GPR146: variants seen among roughly 807,000 people sequenced by gnomAD.
GPR146 encodes G-protein coupled receptor 146.
For synonymous variants in GPR146, 203 were observed against 104.3 expected, an observed-to-expected ratio of 1.95 and a Z score of -5.77; for missense variants, 381 against 213.9, an observed-to-expected ratio of 1.78 and a Z score of -4.87.
rs993610714 is a variant in GPR146 at position 1,044,584 on chromosome 7, C to T, written c.-99C>T. On this transcript the variant is annotated 5_prime_UTR_variant, in exon 1 of 2. Coordinates refer to ENST00000444847, the MANE Select transcript of GPR146 (RefSeq NM_001303473.2). ...CACAGGGCCCGGGCGGCGTGCGCGCCGTGAGCCCCGCCGCCTCCGCCAGCC... is the reference window on the plus strand; with the variant it reads ...CACAGGGCCCGGGCGGCGTGCGCGCTGTGAGCCCCGCCGCCTCCGCCAGCC... The T allele has an allele frequency of 3.3e-5, 5 of 150,752 alleles. No individual in the cohort carries two copies. The highest frequency in any genetic ancestry group is 4.4e-5 in the Non-Finnish European group (3 of 67,540). The allele number at this position is 150,752 out of a possible 1,614,324, so 9.3% of individuals were successfully genotyped here. A position where few individuals can be genotyped will look rare whatever the true frequency, so the allele number is the denominator to read the frequency against.
intron 1 of GPR146, among the ~76,000 whole-genome samples, chr7:1,053,758 C>T (rs1379192872): frequency 2.6e-5 from 4 of 152,120 alleles, no homozygotes; most frequent in Non-Finnish European, 5.9e-5. Context: ...ACCCGGGAGG[C>T]GGAGGTTGCA....
chr7:1,045,295 A>G (rs189976002), intron 1 of GPR146: 1 of 152,396 alleles, frequency 6.6e-6, no homozygotes, highest in East Asian at 1.9e-4. Context: ...CATGCATGCT[A>G]CGTGGTGGAC....
rs2293522 is a variant in GPR146, at chr7:1,058,736, G to A, written c.*219G>A. On this transcript the variant is annotated 3_prime_UTR_variant, in exon 2 of 2. Transcript: ENST00000444847. ...GCTTGAGTCTCCCCGAGGCCTGTGC[G>A]TCTCCCAAACACGCAGCTCAAGGTC... 0.064 allele frequency: 37,030 copies of A among 576,682 alleles called. 1,396 individuals carry two copies. Among genetic ancestry groups the A allele is most frequent in the Middle Eastern group, 0.12 (263 of 2,156 alleles). The allele number at this position is 576,682 out of a possible 1,614,324, so 35.7% of individuals were successfully genotyped here.
intron 1 of GPR146, among the ~76,000 whole-genome samples, chr7:1,053,769 G>C (rs111621609): frequency 0.025 from 3,870 of 152,330 alleles, 159 homozygotes; most frequent in African/African-American, 0.086. Flanking sequence ...GGAGGTTGCA[G>C]TGAGCTGAGA....
At position 1,052,596 on chromosome 7, in the gene GPR146, G is replaced by A. The variant is rs967266340; in HGVS notation, c.-24-4896G>A. On this transcript the variant is annotated intron_variant, in intron 1 of 1. Transcript: ENST00000444847. The surrounding 1 kb of genome is among the most constrained non-coding windows in gnomAD (Gnocchi z 4.2). The stretch of plus-strand genomic sequence containing the variant: ...GGCCTGGGAGGGTGGCCAGGAACTG[G>A]GGGAGAAGCTGGTGGTCAAGCTGGT... Among the ~76,000 whole-genome samples the A allele has an allele frequency of 2.0e-5, 3 of 152,136 alleles. No homozygotes were observed. Among genetic ancestry groups the A allele is most frequent in the African/African-American group, 4.8e-5 (2 of 41,422 alleles).
At chr7:1,051,183 G>C (rs1783078555) in intron 1 of GPR146, among the ~76,000 whole-genome samples, 1 of 152,188 alleles carries the variant, frequency 6.6e-6, no homozygotes, top group Non-Finnish European at 1.5e-5. Flanking sequence ...GTCACTCAGA[G>C]AAGCTGCTGC....
intron 1 of GPR146, among the ~76,000 whole-genome samples, chr7:1,050,132 G>A (rs193181885): frequency 1.3e-5 from 2 of 152,338 alleles, no homozygotes; most frequent in South Asian, 4.1e-4. Flanking sequence ...ACAGGCCTAC[G>A]GGCTCAGGGC....
intron 1 of GPR146, among the ~76,000 whole-genome samples, chr7:1,050,757 A>G (rs980589776): frequency 4.6e-5 from 7 of 152,176 alleles, no homozygotes; most frequent in Non-Finnish European, 8.8e-5. Context: ...AGGAGTGAGC[A>G]CCGCTCAGTA....
At chr7:1,056,457 T>G (rs965221777) in intron 1 of GPR146, 1 of 152,514 alleles carries the variant, frequency 6.6e-6, no homozygotes, top group Non-Finnish European at 1.5e-5. Context: ...TGGATGGGAA[T>G]TCCCACATCT....
chr7:1,053,212 G>C (rs140283159), intron 1 of GPR146, among the ~76,000 whole-genome samples: 2,310 of 152,344 alleles, frequency 0.015, 25 homozygotes, highest in Middle Eastern at 0.044. Flanking sequence ...GGCTCCACCC[G>C]CCTGGGCCAG....
chr7:1,051,144 C>CGT (rs1783074995), intron 1 of GPR146, among the ~76,000 whole-genome samples: 1 of 152,218 alleles, frequency 6.6e-6, no homozygotes, highest in African/African-American at 2.4e-5. Context: ...CTACAAGCAG[C>CGT]GTGTGGGCAG....
intron 1 of GPR146, among the ~76,000 whole-genome samples, chr7:1,053,580 C>A (rs1364738109): frequency 6.6e-6 from 1 of 152,236 alleles, no homozygotes; most frequent in African/African-American, 2.4e-5. Context: ...GTAATCCCAG[C>A]ACTTTGGGAG....
intron 1 of GPR146, among the ~76,000 whole-genome samples, chr7:1,046,137 G>C (rs1033343311): frequency 6.6e-6 from 1 of 152,200 alleles, no homozygotes; most frequent in Non-Finnish European, 1.5e-5. Flanking sequence ...AAATATGCTC[G>C]TGTAATTTAC....
rs773114195 is a variant in GPR146 at position 1,057,957 on chromosome 7, T to A, written c.442T>A (p.Cys148Ser). The change falls in exon 2 of 2, where the codon TGC becomes AGC. Residue 148 changes from cysteine to serine, a missense_variant. Coordinates refer to ENST00000444847, the MANE Select transcript of GPR146 (RefSeq NM_001303473.2). ...CAGCGTGTACAACACGCGGCACGTG[T>A]GCGGCTTCGTGTGGGGTGGCGCGCT... Reference protein sequence around the residue: ...MASVYNTRHVCGFVWGGALLT... With the variant: ...MASVYNTRHVSGFVWGGALLT... The A allele has an allele frequency of 6.5e-6, 5 of 772,116 alleles. No individual in the cohort carries two copies. Among genetic ancestry groups the A allele is most frequent in the Non-Finnish European group, 1.2e-5 (5 of 417,978 alleles). The allele number at this position is 772,116 out of a possible 1,614,324, so 47.8% of individuals were successfully genotyped here.
chr7:1,057,455 G>T, intron 1 of GPR146, 37 bp from the exon 2 acceptor site: 1 of 682,216 alleles, frequency 1.5e-6, no homozygotes, highest in East Asian at 2.5e-5. Flanking sequence ...GCTTTGGGAC[G>T]GGACGCGAGC....
chr7:1,047,479 C>T (rs1246887967), intron 1 of GPR146, among the ~76,000 whole-genome samples: 1 of 152,258 alleles, frequency 6.6e-6, no homozygotes, highest in Non-Finnish European at 1.5e-5. Context: ...CGTAAGCTCT[C>T]CACGTGGAAA....
At chr7:1,055,454 G>A in intron 1 of GPR146, 1 of 462,886 alleles carries the variant, frequency 2.2e-6, no homozygotes, top group South Asian at 1.6e-5. Context: ...AGGGCCCACA[G>A]CACCAAGAGG....
intron 1 of GPR146, among the ~76,000 whole-genome samples, chr7:1,057,210 G>A (rs78143408): frequency 0.11 from 17,440 of 152,136 alleles, 1,229 homozygotes; most frequent in Middle Eastern, 0.26. Context: ...GCAGCAGCCC[G>A]TGAAGAGTGG....
In GPR146 at chr7:1,058,025, T is replaced by G. The variant is rs149652676; in HGVS notation, c.510T>G (p.His170Gln). Reference protein sequence around the residue: ...FSSLLFYICSHVSTRALECAK... With the variant: ...FSSLLFYICSQVSTRALECAK... ...CGCTGCTCTTCTACATCTGCAGCCA[T>G]GTGTCCACCCGCGCGCTAGAGTGCG... Residue 170 changes from histidine to glutamine, a missense_variant, in exon 2 of 2, where the codon CAT (histidine) becomes CAG (glutamine). By Grantham distance (24) the His-to-Gln change is conservative. Coordinates refer to ENST00000444847, the MANE Select transcript of GPR146 (RefSeq NM_001303473.2). 1.3e-6 allele frequency: 1 copy of G among 769,684 alleles called. No homozygotes were observed. The highest frequency in any genetic ancestry group is 2.4e-6 in the Non-Finnish European group (1 of 417,992). The allele number at this position is 769,684 out of a possible 1,614,324, so 47.7% of individuals were successfully genotyped here. A position where few individuals can be genotyped will look rare whatever the true frequency, so the allele number is the denominator to read the frequency against.
Sources: gnomAD v4.1 joint callset for allele counts (sites outside exome capture counted in the v4.1 genomes callset) on GRCh38, gnomAD v4.1.1 for gene constraint, Gnocchi (gnomAD v3.1) non-coding constraint, MANE v1.5 for transcripts, NCBI Gene and HGNC (gene_info 2026-07-23, HGNC 2026-07-21) for gene names.